The following CNTNAP2 variants were observed in gnomAD, a reference collection of about 807,000 sequenced individuals.
CNTNAP2 encodes contactin-associated protein-like 2.
In CNTNAP2, 98 loss-of-function variants were observed where a neutral mutation model predicts 155.2. The observed-to-expected ratio is 0.63, with a 90% CI of 0.54 to 0.75. The LOEUF is 0.75. Ranked by LOEUF, CNTNAP2 falls within the 30% of genes least tolerant of loss-of-function variation. The pLI is 0.00. For missense variants in CNTNAP2, 1,727 were observed against 1,688.1 expected, an observed-to-expected ratio of 1.02 and a Z score of -0.40; for synonymous variants, 651 against 631.2, an observed-to-expected ratio of 1.03 and a Z score of -0.47.
At chr7:148,352,193 TTA>T (rs762356257) in intron 21 of CNTNAP2, among the ~76,000 whole-genome samples, 3 of 152,146 alleles carry the variant, frequency 2.0e-5, no homozygotes, top group Non-Finnish European at 2.9e-5. Context: ...ATGGTCTGAT[TTA>T]TGTTTTTACA....
At chr7:147,799,301 G>A (rs1797950982) in intron 13 of CNTNAP2, among the ~76,000 whole-genome samples, 1 of 152,054 alleles carries the variant, frequency 6.6e-6, no homozygotes, top group Admixed American at 6.5e-5. Flanking sequence ...GAGGTGAGGG[G>A]TAGAGGGGAA....
chr7:146,389,442 T>G (rs10235457), intron 1 of CNTNAP2, among the ~76,000 whole-genome samples: 20,317 of 152,044 alleles, frequency 0.13, 1,663 homozygotes, highest in African/African-American at 0.23. Context: ...CTACTATCTT[T>G]TCTATCCTTT....
intron 22 of CNTNAP2, among the ~76,000 whole-genome samples, chr7:148,395,423 C>CCTCCAGATGT (rs1046766077): frequency 2.0e-4 from 31 of 151,976 alleles, no homozygotes; most frequent in African/African-American, 7.3e-4. Context: ...AGGACTGCAC[C>CCTCCAGATGT]CTCCAGATGT....
chr7:146,154,658 A>G (rs556873681), intron 1 of CNTNAP2, among the ~76,000 whole-genome samples: 9 of 152,312 alleles, frequency 5.9e-5, no homozygotes, highest in African/African-American at 1.7e-4. Context: ...ATGCTACAGA[A>G]ACATAGAAAG....
chr7:146,936,746 CTG>C (rs1292127351), intron 3 of CNTNAP2, among the ~76,000 whole-genome samples: 1 of 152,160 alleles, frequency 6.6e-6, no homozygotes, highest in Admixed American at 6.5e-5. Context: ...AGTGTTTAAA[CTG>C]TGTTCAAAGA....
rs542508360 is a variant in CNTNAP2 at position 147,523,707 on chromosome 7, C to T, written c.1777+37666C>T. On this transcript the variant is annotated intron_variant, in intron 11 of 23. Coordinates refer to ENST00000361727, the MANE Select transcript of CNTNAP2 (RefSeq NM_014141.6). ...TGCCTTGTGAGCACCTGTCTCCTTG[C>T]GTGTCTCCCTCTTCGGGCTCTTATT... 4.6e-5 allele frequency among the ~76,000 whole-genome samples: 7 copies of T among 152,298 alleles called. 1 individual carries two copies. In the South Asian group the frequency reaches 6.2e-4, roughly 14 times the overall value.
intron 22 of CNTNAP2, among the ~76,000 whole-genome samples, chr7:148,401,880 G>T (rs556045136): frequency 2.0e-5 from 3 of 152,206 alleles, no homozygotes; most frequent in Non-Finnish European, 4.4e-5. Context: ...TTACAGGCGT[G>T]AGCCACTGTG....
chr7:146,486,807 C>T (rs760832151), intron 1 of CNTNAP2, among the ~76,000 whole-genome samples: 2 of 152,106 alleles, frequency 1.3e-5, no homozygotes, highest in African/African-American at 2.4e-5. Flanking sequence ...CTGAAAGAAT[C>T]GAAAGGTTCC....
chr7:147,066,542 A>C (rs1799782525), intron 4 of CNTNAP2, among the ~76,000 whole-genome samples: 1 of 152,232 alleles, frequency 6.6e-6, no homozygotes, highest in South Asian at 2.1e-4. Flanking sequence ...TAAGCCTTAC[A>C]GGAGATTTTA....
rs543995265 is a variant in CNTNAP2, at chr7:146,992,625, G to A, written c.403-51282G>A. 5.3e-5 allele frequency among the ~76,000 whole-genome samples: 8 copies of A among 152,172 alleles called. No individual in the cohort carries two copies. The South Asian group carries it at 1.7e-3, about 32-fold the overall frequency. On this transcript the variant is annotated intron_variant, in intron 3 of 23. Coordinates refer to ENST00000361727, the MANE Select transcript of CNTNAP2 (RefSeq NM_014141.6). ...TTACCGGCTCCACCCCATTCTCCCT[G>A]TACACAGGCCAATTAGAGTTTCTCT...
At chr7:146,163,585 C>CTATA (rs772109958) in intron 1 of CNTNAP2, among the ~76,000 whole-genome samples, 44 of 91,188 alleles carry the variant, frequency 4.8e-4, no homozygotes, top group Non-Finnish European at 8.6e-4. Flanking sequence ...ATCTATCTAT[C>CTATA]TATATATATA....
chr7:146,169,094 A>G (rs920118813), intron 1 of CNTNAP2, among the ~76,000 whole-genome samples: 2 of 152,184 alleles, frequency 1.3e-5, no homozygotes, highest in African/African-American at 4.8e-5. Flanking sequence ...ACTTTCTGCT[A>G]TCAGTTCAAT....
chr7:148,349,403 C>CTTTT (rs1457969528), intron 21 of CNTNAP2, among the ~76,000 whole-genome samples: 26 of 8,710 alleles, frequency 3.0e-3, no homozygotes, highest in East Asian at 8.6e-3. Context: ...CAAAAAAAAT[C>CTTTT]TCTCTTTTTT....
At chr7:146,287,240 T>C (rs1800350917) in intron 1 of CNTNAP2, among the ~76,000 whole-genome samples, 2 of 152,236 alleles carry the variant, frequency 1.3e-5, no homozygotes, top group Non-Finnish European at 2.9e-5. Flanking sequence ...CTCATACTGC[T>C]GAAACTCACG....
chr7:148,122,682 G>T, intron 16 of CNTNAP2, among the ~76,000 whole-genome samples: 1 of 152,202 alleles, frequency 6.6e-6, no homozygotes, highest in South Asian at 2.1e-4. Context: ...CCAGAGAAAA[G>T]ACTGGAAGCC....
chr7:146,688,499 C>T (rs1800641604), intron 1 of CNTNAP2, among the ~76,000 whole-genome samples: 1 of 151,888 alleles, frequency 6.6e-6, no homozygotes, highest in African/African-American at 2.4e-5. Context: ...AAAATTATTA[C>T]AGTTAAAGGG....
intron 3 of CNTNAP2, among the ~76,000 whole-genome samples, chr7:146,887,868 A>C (rs1795698898): frequency 6.6e-6 from 1 of 152,160 alleles, no homozygotes; most frequent in Admixed American, 6.6e-5. Flanking sequence ...ACCTACAATT[A>C]GTCAAAAAGA....
chr7:148,033,840 C>T lies in CNTNAP2; in HGVS notation c.2383+55851C>T, dbSNP rs146884814. 7.8e-3 allele frequency among the ~76,000 whole-genome samples: 1,192 copies of T among 152,164 alleles called. 12 individuals carry two copies. The highest frequency in any genetic ancestry group is 0.027 in the African/African-American group (1,139 of 41,522). On this transcript the variant is annotated intron_variant, in intron 15 of 23. Transcript: ENST00000361727. Reference sequence around the variant, plus strand: ...GATTGCCCACATCTGTTTAAATCTCCCTACCAGGAAACTAGCAGCAAGCAT... The same window carrying T: ...GATTGCCCACATCTGTTTAAATCTCTCTACCAGGAAACTAGCAGCAAGCAT...
intron 10 of CNTNAP2, among the ~76,000 whole-genome samples, chr7:147,468,405 C>A (rs17507650): frequency 6.6e-6 from 1 of 152,136 alleles, no homozygotes; most frequent in Admixed American, 6.5e-5. Context: ...TATATCTTTG[C>A]TTAACTATTG....
Sources: allele counts gnomAD v4.1 joint callset (sites outside exome capture counted in the v4.1 genomes callset), GRCh38; gene constraint gnomAD v4.1.1; transcripts MANE v1.5; gene names NCBI Gene and HGNC (gene_info 2026-07-23, HGNC 2026-07-21).